The following SHLD1 variants were observed in gnomAD, a reference collection of about 807,000 sequenced individuals.
SHLD1 encodes shieldin complex subunit 1.
In SHLD1, 3 loss-of-function variants were observed where a neutral mutation model predicts 5.5. That is an observed-to-expected ratio of 0.54 (90% CI 0.25 to 1.40). The LOEUF (loss-of-function observed/expected upper bound fraction) is 1.40. SHLD1 is among the 40% of genes most tolerant of loss of function. The pLI, the probability that SHLD1 is intolerant of heterozygous loss-of-function variation, is 0.15. For missense variants in SHLD1, 210 were observed against 244.4 expected, an observed-to-expected ratio of 0.86 and a Z score of 0.94; for synonymous variants, 92 against 94.3, an observed-to-expected ratio of 0.98 and a Z score of 0.14.
At chr20:5,825,184 T>C (rs1322455971) in intron 2 of SHLD1, among the ~76,000 whole-genome samples, 1 of 152,262 alleles carries the variant, frequency 6.6e-6, no homozygotes, top group African/African-American at 2.4e-5. Context: ...CTGCCTTTGC[T>C]GCAGAGTGAA....
intron 2 of SHLD1, among the ~76,000 whole-genome samples, chr20:5,856,942 T>C (rs948047648): frequency 1.3e-5 from 2 of 152,212 alleles, no homozygotes; most frequent in Non-Finnish European, 2.9e-5. Flanking sequence ...ATTTAATTTG[T>C]AAATTAAAGG....
At chr20:5,861,614 A>C (rs1318571259) in intron 2 of SHLD1, among the ~76,000 whole-genome samples, 1 of 152,200 alleles carries the variant, frequency 6.6e-6, no homozygotes, top group Non-Finnish European at 1.5e-5. Context: ...ATTACCATAG[A>C]CATTCTAGAA....
At chr20:5,780,680 T>C (rs1202643617) in intron 2 of SHLD1, among the ~76,000 whole-genome samples, 1 of 152,200 alleles carries the variant, frequency 6.6e-6, no homozygotes, top group Admixed American at 6.5e-5. Context: ...CCCCTGACCA[T>C]GGGCCTATCC....
intron 2 of SHLD1, among the ~76,000 whole-genome samples, chr20:5,857,219 A>G (rs950022848): frequency 6.6e-6 from 1 of 152,004 alleles, no homozygotes; most frequent in Admixed American, 6.6e-5. Flanking sequence ...CAGGTGATCC[A>G]CCCGCCTTGG....
intron 2 of SHLD1, among the ~76,000 whole-genome samples, chr20:5,791,016 T>G (rs2087130500): frequency 6.6e-6 from 1 of 151,644 alleles, no homozygotes; most frequent in South Asian, 2.1e-4. Context: ...TAAAAAAATT[T>G]GCCAGGCAGG....
intron 2 of SHLD1, among the ~76,000 whole-genome samples, chr20:5,837,798 T>G (rs2087808186): frequency 6.6e-6 from 1 of 151,342 alleles, no homozygotes; most frequent in South Asian, 2.1e-4. Context: ...CATACCTAAT[T>G]TTTCTTATTT....
intron 2 of SHLD1, among the ~76,000 whole-genome samples, chr20:5,825,824 T>G (rs2087659049): frequency 6.6e-6 from 1 of 152,262 alleles, no homozygotes; most frequent in African/African-American, 2.4e-5. Context: ...GTTGTTTTTA[T>G]GATCTTATCT....
At chr20:5,781,729 T>C (rs930446003) in intron 2 of SHLD1, among the ~76,000 whole-genome samples, 12 of 152,160 alleles carry the variant, frequency 7.9e-5, no homozygotes, top group African/African-American at 2.7e-4. Context: ...TCCGTCCACC[T>C]TGGCCTCCCG....
At chr20:5,844,797 A>ATATATT (rs1555777305) in intron 2 of SHLD1, among the ~76,000 whole-genome samples, 1 of 95,184 alleles carries the variant, frequency 1.1e-5, no homozygotes, top group Non-Finnish European at 2.1e-5. Context: ...ATATATATAT[A>ATATATT]TATTTTTTTT....
At chr20:5,856,140 T>C (rs2088080839) in intron 2 of SHLD1, among the ~76,000 whole-genome samples, 1 of 152,228 alleles carries the variant, frequency 6.6e-6, no homozygotes, top group South Asian at 2.1e-4. Flanking sequence ...GCTTGCTTGT[T>C]AGGCAGCATA....
chr20:5,849,875 C>T (rs537479210), intron 2 of SHLD1, among the ~76,000 whole-genome samples: 25 of 145,712 alleles, frequency 1.7e-4, no homozygotes, highest in Admixed American at 1.4e-4. Flanking sequence ...AGGAGAATGG[C>T]GTGAACCCGG....
intron 2 of SHLD1, among the ~76,000 whole-genome samples, chr20:5,826,846 G>A (rs766446372): frequency 6.6e-5 from 10 of 152,100 alleles, no homozygotes; most frequent in South Asian, 6.2e-4. Flanking sequence ...GGCCTGGCAC[G>A]CATAGGTTTC....
chr20:5,848,748 C>T lies in SHLD1; in HGVS notation c.179-14276C>T, dbSNP rs185907398. ...TGGTCTTATTAAATTGCCCTGGCGC[C>T]TACTTTTAGGACTATTTACTAAACA... is the stretch of plus-strand genomic sequence containing the variant. On this transcript the variant is annotated intron_variant, in intron 2 of 2. Coordinates refer to ENST00000303142, the MANE Select transcript of SHLD1 (RefSeq NM_152504.4). Among the ~76,000 whole-genome samples the T allele has an allele frequency of 2.0e-5, 3 of 152,280 alleles. No homozygotes were observed. The East Asian group carries it at 5.8e-4, about 29-fold the overall frequency.
intron 2 of SHLD1, among the ~76,000 whole-genome samples, chr20:5,854,833 C>T (rs2088060569): frequency 6.6e-6 from 1 of 151,074 alleles, no homozygotes; most frequent in Non-Finnish European, 1.5e-5. Flanking sequence ...CTCTCCCCAG[C>T]TTCTGGTAAC....
chr20:5,856,534 G>T (rs539434976), intron 2 of SHLD1, among the ~76,000 whole-genome samples: 1 of 152,228 alleles, frequency 6.6e-6, no homozygotes, highest in Non-Finnish European at 1.5e-5. Flanking sequence ...GACTAGCCCA[G>T]ATCCATGGCC....
chr20:5,842,792 T>G lies in SHLD1; in HGVS notation c.179-20232T>G, dbSNP rs185677375. On this transcript the variant is annotated intron_variant, in intron 2 of 2. Transcript: ENST00000303142. ...CTTGTTTTACCTATTTGCTGAGGTA[T>G]AAATACCTATTACTATATTTTTTCT... 1.6e-4 allele frequency among the ~76,000 whole-genome samples: 24 copies of G among 152,334 alleles called. No homozygotes were observed. The East Asian group carries it at 4.6e-3, about 29-fold the overall frequency.
chr20:5,803,336 A>G (rs416777), intron 2 of SHLD1, among the ~76,000 whole-genome samples: 1 of 151,760 alleles, frequency 6.6e-6, no homozygotes, highest in Non-Finnish European at 1.5e-5. Flanking sequence ...CTAATTTTTT[A>G]AAAAAATTCT....
intron 2 of SHLD1, among the ~76,000 whole-genome samples, chr20:5,847,986 C>T (rs1281057659): frequency 6.6e-6 from 1 of 152,108 alleles, no homozygotes; most frequent in East Asian, 1.9e-4. Flanking sequence ...TAAATATAGC[C>T]TACCTGTCTA....
rs961667149 is a variant in SHLD1, at chr20:5,828,262, C to T, written c.179-34762C>T. 6.6e-5 allele frequency among the ~76,000 whole-genome samples: 10 copies of T among 152,140 alleles called. No homozygotes were observed. In the South Asian group the frequency reaches 1.2e-3, roughly 19 times the overall value. On this transcript the variant is annotated intron_variant, in intron 2 of 2. Coordinates refer to ENST00000303142, the MANE Select transcript of SHLD1 (RefSeq NM_152504.4). ...ACCTCCTCTTCTAGATCTTTAACTC[C>T]GTAAGGGCAGGGGCCATATCTGTGC...
Sources: gnomAD v4.1 joint callset for allele counts (sites outside exome capture counted in the v4.1 genomes callset) on GRCh38, gnomAD v4.1.1 for gene constraint, MANE v1.5 for transcripts, NCBI Gene and HGNC (gene_info 2026-07-23, HGNC 2026-07-21) for gene names.